CPXM2: variants seen among roughly 807,000 people sequenced by gnomAD.
CPXM2 encodes carboxypeptidase X, M14 family member 2.
A neutral mutation model predicts 86.1 loss-of-function variants in CPXM2; 66 were observed. The ratio of observed to expected loss-of-function variants is 0.77; its 90% CI spans 0.63 to 0.94. CPXM2 has a LOEUF of 0.94. CPXM2 is among the 40% of genes least tolerant of loss of function. The probability of loss-of-function intolerance (pLI) is 0.00; values close to 1 mark genes in which losing one functional copy is unlikely to be tolerated. For synonymous variants in CPXM2, 388 were observed against 400.2 expected, an observed-to-expected ratio of 0.97 and a Z score of 0.36; for missense variants, 948 against 1,026.3, an observed-to-expected ratio of 0.92 and a Z score of 1.04.
intron 4 of CPXM2, among the ~76,000 whole-genome samples, chr10:123,803,118 C>CTTTTGTTTTTT (rs1847496525): frequency 1.6e-5 from 1 of 63,634 alleles, no homozygotes; most frequent in Non-Finnish European, 3.1e-5. Flanking sequence ...TTGTAGTACC[C>CTTTTGTTTTTT]TTTTTTTTTT....
At position 123,923,403 on chromosome 10, in the gene CPXM2, A is replaced by T. The variant is rs1352798958; in HGVS notation, n.174+16074T>A. 2.3e-3 allele frequency among the ~76,000 whole-genome samples: 293 copies of T among 126,070 alleles called. 2 individuals are homozygous for T. The highest frequency in any genetic ancestry group is 8.8e-3 in the African/African-American group (282 of 32,168). 82.7% of individuals were successfully genotyped at this position (126,070 alleles called of 152,430 possible). A position where few individuals can be genotyped will look rare whatever the true frequency, so the allele number is the denominator to read the frequency against. ...AGACCATCCTGGCTAACACAGTGAA[A>T]CCCCGTCTCTACTAAAAATACAAAA... On this transcript the variant is annotated intron_variant and non_coding_transcript_variant, in intron 2 of 19. Coordinates refer to the CPXM2 transcript ENST00000368854.
intron 2 of CPXM2, among the ~76,000 whole-genome samples, chr10:123,923,480 C>T (rs1283579731): frequency 6.6e-6 from 1 of 150,650 alleles, no homozygotes; most frequent in African/African-American, 2.5e-5. Flanking sequence ...ACTCGGGAGG[C>T]TGAGGCAGGA....
Position 123,891,198 on chromosome 10 carries a change from G to T in CPXM2, c.304+158C>A, listed in dbSNP as rs562062192. Reference sequence around the variant, plus strand: ...TCTGGGAAGCTGGGCGGGCCGGCAGGAAGCGCAGATACAGTCCCTAGGGAG... The same window carrying T: ...TCTGGGAAGCTGGGCGGGCCGGCAGTAAGCGCAGATACAGTCCCTAGGGAG... On this transcript the variant is annotated intron_variant, in intron 1 of 13. Coordinates refer to ENST00000241305, the MANE Select transcript of CPXM2 (RefSeq NM_198148.3). This position sits in a 1 kb window ranked among gnomAD's most constrained non-coding sequence, Gnocchi z 5.6. Among the ~76,000 whole-genome samples the T allele has an allele frequency of 1.3e-5, 2 of 152,260 alleles. No homozygotes were observed. Among genetic ancestry groups the T allele is most frequent in the African/African-American group, 4.8e-5 (2 of 41,564 alleles).
At chr10:123,879,279 A>G (rs988963006) in intron 2 of CPXM2, among the ~76,000 whole-genome samples, 10 of 152,166 alleles carry the variant, frequency 6.6e-5, no homozygotes, top group African/African-American at 2.4e-4. Context: ...CTGTTTATGG[A>G]CTCACATGGC....
intron 2 of CPXM2, among the ~76,000 whole-genome samples, chr10:123,938,174 T>C (rs1945740646): frequency 6.6e-6 from 1 of 152,180 alleles, no homozygotes; most frequent in African/African-American, 2.4e-5. Context: ...ACACAATCAC[T>C]AGGAGGTCTT....
chr10:123,904,430 G>T (rs1037080990), intron 2 of CPXM2, among the ~76,000 whole-genome samples: 47 of 152,342 alleles, frequency 3.1e-4, no homozygotes, highest in African/African-American at 1.1e-3. Context: ...GTCTTCATCT[G>T]GAAAGTGGGT....
At chr10:123,748,100 C>T (rs1169700256) in intron 13 of CPXM2, among the ~76,000 whole-genome samples, 1 of 152,036 alleles carries the variant, frequency 6.6e-6, no homozygotes, top group African/African-American at 2.4e-5. Context: ...CTGGCACTGG[C>T]TCACTGAACA....
At chr10:123,750,220 A>G in intron 13 of CPXM2, 1 of 985,362 alleles carries the variant, frequency 1.0e-6, no homozygotes, top group Non-Finnish European at 1.2e-6. Context: ...TTTGAGGAGA[A>G]ATAGACAAGC....
At chr10:123,763,961 G>A (rs1343742612) in intron 10 of CPXM2, among the ~76,000 whole-genome samples, 1 of 152,092 alleles carries the variant, frequency 6.6e-6, no homozygotes, top group Non-Finnish European at 1.5e-5. Flanking sequence ...GAAATCTACT[G>A]TCCCATATTC....
chr10:123,755,460 TG>T (rs1348336413), intron 12 of CPXM2, among the ~76,000 whole-genome samples: 3 of 152,216 alleles, frequency 2.0e-5, no homozygotes, highest in African/African-American at 7.2e-5. Context: ...GCATTTCTTT[TG>T]GGTTCTTGCA....
intron 4 of CPXM2, among the ~76,000 whole-genome samples, chr10:123,824,571 C>T (rs894199201): frequency 6.6e-6 from 1 of 152,088 alleles, no homozygotes; most frequent in Non-Finnish European, 1.5e-5. Flanking sequence ...GACCAGCTGG[C>T]GTGCTGAGAG....
intron 3 of CPXM2, among the ~76,000 whole-genome samples, chr10:123,846,300 G>T (rs529791524): frequency 6.6e-6 from 1 of 152,232 alleles, no homozygotes; most frequent in South Asian, 2.1e-4. Context: ...ATCTGGAGGT[G>T]ATGGGAGACA....
intron 4 of CPXM2, among the ~76,000 whole-genome samples, chr10:123,809,891 A>C (rs965691010): frequency 2.0e-5 from 3 of 152,068 alleles, no homozygotes; most frequent in African/African-American, 7.2e-5. Context: ...AAAACTAAAA[A>C]GAATAACAGA....
intron 13 of CPXM2, chr10:123,750,469 C>T: frequency 1.0e-6 from 1 of 985,312 alleles, no homozygotes; most frequent in Non-Finnish European, 1.2e-6. Context: ...CTTCTAAAGG[C>T]CAGCCTGTGT....
intron 3 of CPXM2, among the ~76,000 whole-genome samples, chr10:123,854,555 T>C (rs1438751271): frequency 6.7e-6 from 1 of 150,112 alleles, no homozygotes; most frequent in African/African-American, 2.5e-5. Context: ...AGTACAGACC[T>C]GAGACCCTAA....
chr10:123,831,190 C>T (rs1182668767), intron 4 of CPXM2, among the ~76,000 whole-genome samples: 1 of 152,164 alleles, frequency 6.6e-6, no homozygotes, highest in Non-Finnish European at 1.5e-5. Flanking sequence ...AATTTGGGTA[C>T]AGGGTGAAGC....
chr10:123,862,169 A>G (rs1336067956), intron 3 of CPXM2, among the ~76,000 whole-genome samples: 1 of 152,216 alleles, frequency 6.6e-6, no homozygotes, highest in African/African-American at 2.4e-5. Context: ...ACCCGGGGGA[A>G]CACAATGGAG....
At chr10:123,793,462 CAAAAAAAAAAAAA>C (rs34757620) in intron 6 of CPXM2, among the ~76,000 whole-genome samples, 1 of 59,214 alleles carries the variant, frequency 1.7e-5, no homozygotes, top group Non-Finnish European at 3.4e-5. Flanking sequence ...GACTCCGTCT[CAAAAAAAAAAAAA>C]AAAAAAAAAA....
At chr10:123,932,016 G>GT (rs1164596827) in intron 2 of CPXM2, among the ~76,000 whole-genome samples, 7 of 152,112 alleles carry the variant, frequency 4.6e-5, no homozygotes, top group South Asian at 4.2e-4. Context: ...AGTCTGAGTG[G>GT]TTTTTTTTAA....
Sources: gnomAD v4.1 joint callset for allele counts (sites outside exome capture counted in the v4.1 genomes callset) on GRCh38, gnomAD v4.1.1 for gene constraint, Gnocchi (gnomAD v3.1) non-coding constraint, MANE v1.5 for transcripts, NCBI Gene and HGNC (gene_info 2026-07-23, HGNC 2026-07-21) for gene names.